The following KCNE3 variants were observed in gnomAD, a reference collection of about 807,000 sequenced individuals.
KCNE3 encodes the protein potassium voltage-gated channel subfamily E member 3.
In KCNE3, 2 loss-of-function variants were observed where a neutral mutation model predicts 4.3. That is an observed-to-expected ratio of 0.47 (90% CI 0.19 to 1.48). The LOEUF (loss-of-function observed/expected upper bound fraction) is 1.48, where lower values mean the gene tolerates loss of function less well. Ranked by LOEUF, KCNE3 falls within the 40% of genes most tolerant of loss-of-function variation. The pLI, the probability that KCNE3 is intolerant of heterozygous loss-of-function variation, is 0.25. For synonymous variants in KCNE3, 47 were observed against 52.0 expected (o/e 0.90, Z 0.41); for missense variants, 128 against 136.8 (o/e 0.94, Z 0.32).
At position 74,455,282 on chromosome 11, in the gene KCNE3, A is replaced by G. The variant is rs1332938867; in HGVS notation, c.*1970T>C. 6.6e-6 allele frequency: 1 copy of G among 152,200 alleles called. No homozygotes were observed. The allele number at this position is 152,200 out of a possible 1,614,324, so 9.4% of individuals were successfully genotyped here. A position where few individuals can be genotyped will look rare whatever the true frequency, so the allele number is the denominator to read the frequency against. On this transcript the variant is annotated 3_prime_UTR_variant, in exon 3 of 3. Coordinates refer to ENST00000310128, the MANE Select transcript of KCNE3 (RefSeq NM_005472.5). ...GCTATACACAAATACGCATGTTTCA[A>G]TGGGTACTTCCAGGGACCGCATGGA...
intron 1 of KCNE3, among the ~76,000 whole-genome samples, chr11:74,466,517 G>A (rs1864061100): frequency 6.6e-6 from 1 of 152,202 alleles, no homozygotes; most frequent in Admixed American, 6.5e-5. Context: ...GGCTAGGACT[G>A]AGGAAACTTG....
rs1340077987 is a variant in KCNE3, at chr11:74,456,179, T to TATATATATAA, written c.*1072_*1073insTTATATATAT. On this transcript the variant is annotated 3_prime_UTR_variant, in exon 3 of 3. Coordinates refer to ENST00000310128, the MANE Select transcript of KCNE3 (RefSeq NM_005472.5). ...AAATATATATATATATATATATATA[T>TATATATATAA]AAATTAACTGGGTGTGGTGACAGGA... The TATATATATAA allele has an allele frequency of 4.8e-5, 6 of 124,484 alleles. No individual in the cohort carries two copies. The highest frequency in any genetic ancestry group is 2.9e-4 in the East Asian group (1 of 3,504). 7.7% of individuals were successfully genotyped at this position (124,484 alleles called of 1,614,324 possible). A position where few individuals can be genotyped will look rare whatever the true frequency, so the allele number is the denominator to read the frequency against.
chr11:74,462,621 T>C (rs1048724864), intron 1 of KCNE3: 7 of 152,220 alleles, frequency 4.6e-5, no homozygotes, highest in South Asian at 4.1e-4. Context: ...ATCTGTAGCA[T>C]AGCTTTGTTG....
intron 2 of KCNE3, among the ~76,000 whole-genome samples, chr11:74,460,853 G>A (rs1863936886): frequency 6.6e-6 from 1 of 152,216 alleles, no homozygotes; most frequent in South Asian, 2.1e-4. Context: ...GTGGACTGGA[G>A]GGAGCTGGAA....
chr11:74,459,716 C>T (rs182506070), intron 2 of KCNE3, among the ~76,000 whole-genome samples: 9 of 152,264 alleles, frequency 5.9e-5, no homozygotes, highest in African/African-American at 1.2e-4. Flanking sequence ...CCCTTCCCCC[C>T]AGCACTTACA....
chr11:74,465,587 C>T (rs1257747924), intron 1 of KCNE3, among the ~76,000 whole-genome samples: 5 of 152,134 alleles, frequency 3.3e-5, no homozygotes, highest in Non-Finnish European at 4.4e-5. Context: ...ATACACCCAC[C>T]CACTGCACAC....
At chr11:74,464,645 T>C (rs1406895561) in intron 1 of KCNE3, among the ~76,000 whole-genome samples, 1 of 152,216 alleles carries the variant, frequency 6.6e-6, no homozygotes, top group Non-Finnish European at 1.5e-5. Flanking sequence ...AGCTCAGTAG[T>C]GGCAGAGTTG....
chr11:74,457,603 T>A lies in KCNE3; in HGVS notation c.-40A>T, dbSNP rs770147077. Reference sequence around the variant, plus strand: ...AGGTGGGGGAAGACTCGGTAGAAGCTCTGGTGGCAAAAGAAAAGAGAGAGG... The same window carrying A: ...AGGTGGGGGAAGACTCGGTAGAAGCACTGGTGGCAAAAGAAAAGAGAGAGG... On this transcript the variant is annotated splice_region_variant and 5_prime_UTR_variant, in exon 3 of 3. Coordinates refer to ENST00000310128, the MANE Select transcript of KCNE3 (RefSeq NM_005472.5). 6.3e-7 allele frequency: 1 copy of A among 1,590,414 alleles called. No homozygotes were observed.
rs1386276045 is a variant in KCNE3 at position 74,456,119 on chromosome 11, C to A, written c.*1133G>T. 2 of 140,802 alleles carry A rather than the reference C, an allele frequency of 1.4e-5. No individual in the cohort carries two copies. The highest frequency in any genetic ancestry group is 4.4e-4 in the East Asian group (2 of 4,596). The allele number at this position is 140,802 out of a possible 1,614,324, so 8.7% of individuals were successfully genotyped here. Reference sequence around the variant, plus strand: ...TAACTTGAGGACAGGAGTTCGAGACCAGCCTGGGCAACATGTGAAACCCTG... The same window carrying A: ...TAACTTGAGGACAGGAGTTCGAGACAAGCCTGGGCAACATGTGAAACCCTG... On this transcript the variant is annotated 3_prime_UTR_variant, in exon 3 of 3. Transcript: ENST00000310128.
chr11:74,460,012 A>C (rs1391993992), intron 2 of KCNE3, among the ~76,000 whole-genome samples: 1 of 152,232 alleles, frequency 6.6e-6, no homozygotes, highest in African/African-American at 2.4e-5. Flanking sequence ...ACTGTTAACA[A>C]ACTAATATGT....
At chr11:74,465,046 T>A (rs1864030727) in intron 1 of KCNE3, among the ~76,000 whole-genome samples, 1 of 152,176 alleles carries the variant, frequency 6.6e-6, no homozygotes, top group Admixed American at 6.5e-5. Context: ...CCTCTTGTTT[T>A]TTCCCAAAAG....
Position 74,455,930 on chromosome 11 carries a change from G to A in KCNE3, c.*1322C>T, listed in dbSNP as rs576229312. On this transcript the variant is annotated 3_prime_UTR_variant, in exon 3 of 3. Coordinates refer to ENST00000310128, the MANE Select transcript of KCNE3 (RefSeq NM_005472.5). ...TTTTTAGTAGATGGGGTTTCACCAT[G>A]TTGGCCAGGCTGGTCTCGAACTCCT... 1.3e-5 allele frequency: 2 copies of A among 151,664 alleles called. No homozygotes were observed. Among genetic ancestry groups the A allele is most frequent in the South Asian group, 4.2e-4 (2 of 4,798 alleles). 9.4% of individuals were successfully genotyped at this position (151,664 alleles called of 1,614,324 possible).
chr11:74,460,520 A>G lies in KCNE3; in HGVS notation c.-41+1435T>C, dbSNP rs190918009. ...TGATCAGGGCTCAGAGAGTGTCCACAGTGATGGAGGCATTTGAGTTGGACC... is the reference window on the plus strand; with the variant it reads ...TGATCAGGGCTCAGAGAGTGTCCACGGTGATGGAGGCATTTGAGTTGGACC... On this transcript the variant is annotated intron_variant, in intron 2 of 2. Coordinates refer to ENST00000310128, the MANE Select transcript of KCNE3 (RefSeq NM_005472.5). 1.2e-4 allele frequency among the ~76,000 whole-genome samples: 19 copies of G among 152,348 alleles called. No homozygotes were observed. The East Asian group carries it at 3.3e-3, about 26-fold the overall frequency.
chr11:74,457,158 A>G lies in KCNE3; in HGVS notation c.*94T>C. 8.4e-7 allele frequency: 1 copy of G among 1,189,296 alleles called. No individual in the cohort carries two copies. The highest frequency in any genetic ancestry group is 1.3e-5 in the South Asian group (1 of 77,214). 73.7% of individuals were successfully genotyped at this position (1,189,296 alleles called of 1,614,324 possible). A position where few individuals can be genotyped will look rare whatever the true frequency, so the allele number is the denominator to read the frequency against. On this transcript the variant is annotated 3_prime_UTR_variant, in exon 3 of 3. Transcript: ENST00000310128. ...TTTCTTGTTGATCTTACAGATAGGG[A>G]CACTGAGACCTGATGCAGTCCACAG...
intron 1 of KCNE3, among the ~76,000 whole-genome samples, chr11:74,463,583 T>G (rs556606611): frequency 5.3e-4 from 81 of 152,112 alleles, no homozygotes; most frequent in Non-Finnish European, 9.8e-4. Context: ...GCTCCTGCCC[T>G]GGAGAGGTCT....
rs550973701 is a variant in KCNE3, at chr11:74,465,111, T to C, written c.-190+2287A>G. Among the ~76,000 whole-genome samples, 138 of 151,576 alleles carry C rather than the reference T, an allele frequency of 9.1e-4. 1 individual carries two copies. The highest frequency in any genetic ancestry group is 1.8e-3 in the Non-Finnish European group (123 of 67,842). Reference sequence around the variant, plus strand: ...ATACTGTACTGAAACTCTGTGTGTGTGTGTGTGTGTGTGTATGTGTGTGTG... The same window carrying C: ...ATACTGTACTGAAACTCTGTGTGTGCGTGTGTGTGTGTGTATGTGTGTGTG... On this transcript the variant is annotated intron_variant, in intron 1 of 2. Transcript: ENST00000310128.
chr11:74,461,641 A>ACAAACAAAAAAC (rs1863956056), intron 2 of KCNE3, among the ~76,000 whole-genome samples: 1 of 152,032 alleles, frequency 6.6e-6, no homozygotes, highest in South Asian at 2.1e-4. Flanking sequence ...AAACAAACAA[A>ACAAACAAAAAAC]CAAACAAAAA....
chr11:74,457,282 C>T lies in KCNE3; in HGVS notation c.282G>A (p.Val94=). 6.2e-7 allele frequency: 1 copy of T among 1,614,094 alleles called. No individual in the cohort carries two copies. The highest frequency in any genetic ancestry group is 1.7e-5 in the Admixed American group (1 of 60,030). ...KVDKRSDPYH[V]YIKNRVSMI Reference sequence around the variant, plus strand: ...TCATAGACACACGGTTCTTGATATACACATGATAGGGGTCACTACGCTTGT... The same window carrying T: ...TCATAGACACACGGTTCTTGATATATACATGATAGGGGTCACTACGCTTGT... The change falls in exon 3 of 3, where the codon GTG becomes GTA. Residue 94 remains valine (V), a synonymous_variant. Coordinates refer to ENST00000310128, the MANE Select transcript of KCNE3 (RefSeq NM_005472.5).
At chr11:74,461,513 C>T (rs1055618009) in intron 2 of KCNE3, among the ~76,000 whole-genome samples, 1 of 151,910 alleles carries the variant, frequency 6.6e-6, no homozygotes, top group Non-Finnish European at 1.5e-5. Flanking sequence ...TTCCCAGCTG[C>T]TCAGGAGGCT....
Sources: gnomAD v4.1 joint callset for allele counts (sites outside exome capture counted in the v4.1 genomes callset) on GRCh38, gnomAD v4.1.1 for gene constraint, MANE v1.5 for transcripts, NCBI Gene and HGNC (gene_info 2026-07-23, HGNC 2026-07-21) for gene names.